The following ITGA11 variants were observed in gnomAD, a reference collection of about 807,000 sequenced individuals.
ITGA11 encodes the protein integrin alpha-11.
In ITGA11, 97 loss-of-function variants were observed where a neutral mutation model predicts 141.9. The observed-to-expected ratio is 0.68, with a 90% CI of 0.58 to 0.81. The LOEUF (loss-of-function observed/expected upper bound fraction) is 0.81. Ranked by LOEUF, ITGA11 falls within the 30% of genes least tolerant of loss-of-function variation. ITGA11 has a pLI of 0.00. For synonymous variants in ITGA11, 658 were observed against 624.6 expected, an observed-to-expected ratio of 1.05 and a Z score of -0.80; for missense variants, 1,387 against 1,559.2, an observed-to-expected ratio of 0.89 and a Z score of 1.86.
intron 2 of ITGA11, among the ~76,000 whole-genome samples, chr15:68,398,838 T>TG (rs1474487099): frequency 4.0e-5 from 6 of 148,820 alleles, no homozygotes; most frequent in African/African-American, 1.2e-4. Flanking sequence ...TATAAATATT[T>TG]TATATTTTAT....
At chr15:68,311,767 G>A (rs1893395433) in intron 24 of ITGA11, among the ~76,000 whole-genome samples, 2 of 152,196 alleles carry the variant, frequency 1.3e-5, no homozygotes, top group South Asian at 4.1e-4. Flanking sequence ...AATACATCAT[G>A]AGAGGGAATC....
At chr15:68,379,756 C>G (rs1895814462) in intron 2 of ITGA11, among the ~76,000 whole-genome samples, 1 of 152,226 alleles carries the variant, frequency 6.6e-6, no homozygotes, top group Non-Finnish European at 1.5e-5. Flanking sequence ...AAGTCATGCT[C>G]AGAGGTTTTT....
At chr15:68,406,193 C>T (rs1247252230) in intron 1 of ITGA11, among the ~76,000 whole-genome samples, 3 of 152,178 alleles carry the variant, frequency 2.0e-5, no homozygotes, top group African/African-American at 7.2e-5. Context: ...CAACCATGGC[C>T]AGAGGGACCC....
intron 1 of ITGA11, among the ~76,000 whole-genome samples, chr15:68,425,902 C>T (rs560404569): frequency 1.8e-4 from 27 of 152,304 alleles, no homozygotes; most frequent in East Asian, 1.5e-3. Flanking sequence ...TTTGGAAGCC[C>T]GGAGTGCATT....
rs116086212 is a variant in ITGA11 at position 68,355,908 on chromosome 15, A to G, written c.749+1243T>C. Among the ~76,000 whole-genome samples the G allele has an allele frequency of 3.0e-3, 450 of 152,308 alleles. 4 individuals are homozygous for G. The highest frequency in any genetic ancestry group is 0.011 in the African/African-American group (437 of 41,562). ...CATTTAAAATCTAAATGCCTTTGACACAGTCATCTTATGAGTTTAGGCCTC... is the reference window on the plus strand; with the variant it reads ...CATTTAAAATCTAAATGCCTTTGACGCAGTCATCTTATGAGTTTAGGCCTC... On this transcript the variant is annotated intron_variant, in intron 7 of 29. Transcript: ENST00000315757.
At position 68,335,594 on chromosome 15, in the gene ITGA11, TG is replaced by T; in HGVS notation, c.1425+102del. 4 of 1,350,810 alleles carry T rather than the reference TG, an allele frequency of 3.0e-6. No homozygotes were observed. In the African/African-American group the frequency reaches 5.8e-5, roughly 19 times the overall value. 83.7% of individuals were successfully genotyped at this position (1,350,810 alleles called of 1,614,324 possible). On this transcript the variant is annotated intron_variant, in intron 12 of 29. Coordinates refer to ENST00000315757, the MANE Select transcript of ITGA11 (RefSeq NM_001004439.2). This position sits in a 1 kb window ranked among gnomAD's most constrained non-coding sequence, Gnocchi z 4.9. Reference sequence around the variant, plus strand: ...TGGCTGGAGGAACATGACTGCCCTTTGGGGCACCCAGTGGTCCAGGCATGCC... The same window carrying T: ...TGGCTGGAGGAACATGACTGCCCTTTGGGCACCCAGTGGTCCAGGCATGCC...
At chr15:68,401,400 C>T (rs897516999) in intron 2 of ITGA11, among the ~76,000 whole-genome samples, 2 of 152,102 alleles carry the variant, frequency 1.3e-5, no homozygotes, top group African/African-American at 2.4e-5. Context: ...TCAAAAGACA[C>T]GTACATGAAT....
At chr15:68,315,630 A>G (rs1314066463) in intron 22 of ITGA11, 21 bp downstream of exon 22, 1 of 1,604,204 alleles carries the variant, frequency 6.2e-7, no homozygotes, top group Non-Finnish European at 8.5e-7. Context: ...TTTGGGGAGA[A>G]GGAGCAGGCA....
intron 26 of ITGA11, 111 bp downstream of exon 26, chr15:68,310,883 C>T (rs1365125627): frequency 6.5e-6 from 5 of 774,690 alleles, no homozygotes; most frequent in Non-Finnish European, 1.1e-5. Context: ...TACAGGTGCT[C>T]AGTAAGCTCT....
chr15:68,380,831 G>A (rs888779058), intron 2 of ITGA11, among the ~76,000 whole-genome samples: 5 of 152,172 alleles, frequency 3.3e-5, no homozygotes, highest in African/African-American at 1.2e-4. Flanking sequence ...GTTCATCCCT[G>A]TTCCTCCCTT....
chr15:68,380,797 T>C (rs559216417), intron 2 of ITGA11, among the ~76,000 whole-genome samples: 19 of 152,302 alleles, frequency 1.2e-4, no homozygotes, highest in Admixed American at 4.6e-4. Context: ...TTCATGGAGC[T>C]TGTGGCAGAG....
chr15:68,380,483 G>A (rs1358226685), intron 2 of ITGA11, among the ~76,000 whole-genome samples: 3 of 152,220 alleles, frequency 2.0e-5, no homozygotes, highest in African/African-American at 4.8e-5. Context: ...CCCTAGCCCA[G>A]TGAGGGCAGG....
chr15:68,338,885 C>A (rs1894461546), intron 11 of ITGA11, among the ~76,000 whole-genome samples: 1 of 152,194 alleles, frequency 6.6e-6, no homozygotes, highest in Admixed American at 6.5e-5. Flanking sequence ...TCCCCTCTGG[C>A]CCTTCCTTTA....
At chr15:68,364,647 A>ACCCCAACCCCCCCCC in intron 4 of ITGA11, 60 bp downstream of exon 4, 2 of 904,832 alleles carry the variant, frequency 2.2e-6, no homozygotes, top group Non-Finnish European at 1.8e-6. Context: ...GAGACGCTCC[A>ACCCCAACCCCCCCCC]CCCCTCCCCA....
intron 25 of ITGA11, 91 bp from the exon 26 acceptor site, chr15:68,311,171 C>T (rs1662387651): frequency 2.3e-6 from 3 of 1,295,620 alleles, no homozygotes; most frequent in Admixed American, 2.0e-5. Flanking sequence ...CTTTTCTCCT[C>T]CTCTAGCCGT....
intron 2 of ITGA11, among the ~76,000 whole-genome samples, chr15:68,385,014 G>A (rs1404040332): frequency 6.6e-6 from 1 of 152,210 alleles, no homozygotes; most frequent in East Asian, 1.9e-4. Flanking sequence ...CAGGGCATAG[G>A]CCAGTGTAGG....
At chr15:68,389,195 G>A (rs1896059118) in intron 2 of ITGA11, among the ~76,000 whole-genome samples, 1 of 152,160 alleles carries the variant, frequency 6.6e-6, no homozygotes, top group South Asian at 2.1e-4. Context: ...ACAGCCTCAT[G>A]CTGTTGGAAA....
At chr15:68,399,457 G>T (rs1249648892) in intron 2 of ITGA11, among the ~76,000 whole-genome samples, 1 of 151,866 alleles carries the variant, frequency 6.6e-6, no homozygotes, top group Non-Finnish European at 1.5e-5. Flanking sequence ...CCAATTACTG[G>T]GTATATTACC....
intron 10 of ITGA11, among the ~76,000 whole-genome samples, chr15:68,343,144 C>A (rs554205490): frequency 1.3e-5 from 2 of 152,250 alleles, no homozygotes; most frequent in Non-Finnish European, 1.5e-5. Context: ...TACATGGTAG[C>A]TCTTCTCGTT....
Sources: gnomAD v4.1 joint callset for allele counts (sites outside exome capture counted in the v4.1 genomes callset) on GRCh38, gnomAD v4.1.1 for gene constraint, Gnocchi (gnomAD v3.1) non-coding constraint, MANE v1.5 for transcripts, NCBI Gene and HGNC (gene_info 2026-07-23, HGNC 2026-07-21) for gene names.